ARHGAP26: variants seen among roughly 807,000 people sequenced by gnomAD.
ARHGAP26 encodes the protein rho GTPase-activating protein 26.
A neutral mutation model predicts 104.8 loss-of-function variants in ARHGAP26; 38 were observed. That is an observed-to-expected ratio of 0.36 (90% confidence interval 0.28 to 0.48). The LOEUF is 0.48. ARHGAP26 is among the 20% of genes least tolerant of loss of function. ARHGAP26 has a pLI of 0.99. For synonymous variants in ARHGAP26, 341 were observed against 340.0 expected, an observed-to-expected ratio of 1.00 and a Z score of -0.03; for missense variants, 704 against 947.9, an observed-to-expected ratio of 0.74 and a Z score of 3.38.
At chr5:143,149,851 T>C (rs1375348160) in intron 20 of ARHGAP26, among the ~76,000 whole-genome samples, 1 of 152,230 alleles carries the variant, frequency 6.6e-6, no homozygotes, top group Non-Finnish European at 1.5e-5. Flanking sequence ...ACCAGGAAGC[T>C]ATCTGTTCTT....
chr5:143,003,510 T>G lies in ARHGAP26; in HGVS notation c.1108-10570T>G, dbSNP rs577450348. 2.0e-5 allele frequency among the ~76,000 whole-genome samples: 3 copies of G among 152,304 alleles called. No homozygotes were observed. The South Asian group carries it at 6.2e-4, about 32-fold the overall frequency. ...ACATTTAGATGCCGCATAGATCACT[T>G]CCCCTAAACCCTGCCCCATAGAAAT... On this transcript the variant is annotated intron_variant, in intron 11 of 22. Transcript: ENST00000645722.
At chr5:142,779,366 C>G (rs1013184640) in intron 1 of ARHGAP26, among the ~76,000 whole-genome samples, 3 of 152,094 alleles carry the variant, frequency 2.0e-5, no homozygotes, top group African/African-American at 7.2e-5. Flanking sequence ...CCTGGGTAAG[C>G]TGGAGACTGG....
chr5:143,164,347 G>A (rs1179827284), intron 20 of ARHGAP26, among the ~76,000 whole-genome samples: 1 of 152,030 alleles, frequency 6.6e-6, no homozygotes, highest in African/African-American at 2.4e-5. Flanking sequence ...CTCTGTATAG[G>A]TATGAGGGCT....
At chr5:143,096,982 C>T (rs764586145) in intron 17 of ARHGAP26, among the ~76,000 whole-genome samples, 2 of 152,240 alleles carry the variant, frequency 1.3e-5, no homozygotes, top group East Asian at 1.9e-4. Flanking sequence ...CGGTGGCTCA[C>T]GCCTGTAATC....
At chr5:143,032,085 G>A (rs561743208) in intron 12 of ARHGAP26, among the ~76,000 whole-genome samples, 44 of 152,276 alleles carry the variant, frequency 2.9e-4, no homozygotes, top group African/African-American at 1.0e-3. Context: ...AATCGACTTT[G>A]CTACCCTAGC....
chr5:143,144,055 A>G (rs1798876979), intron 19 of ARHGAP26, among the ~76,000 whole-genome samples: 1 of 152,192 alleles, frequency 6.6e-6, no homozygotes, highest in Admixed American at 6.5e-5. Context: ...AGTTGTGGGC[A>G]TTCTTTCCTT....
At chr5:142,920,154 G>A (rs1005111361) in intron 10 of ARHGAP26, among the ~76,000 whole-genome samples, 1 of 152,270 alleles carries the variant, frequency 6.6e-6, no homozygotes, top group Non-Finnish European at 1.5e-5. Flanking sequence ...TACAAAATGT[G>A]TCAACTCTTT....
chr5:142,969,895 C>G (rs1771980807), intron 11 of ARHGAP26, among the ~76,000 whole-genome samples: 1 of 152,178 alleles, frequency 6.6e-6, no homozygotes, highest in Non-Finnish European at 1.5e-5. Context: ...TTTGGTGACA[C>G]TGCTCTGGAA....
chr5:143,193,788 ATTGTT>A (rs1806336886), intron 20 of ARHGAP26: 1 of 152,218 alleles, frequency 6.6e-6, no homozygotes, highest in Admixed American at 6.5e-5. Context: ...TATTGTTATA[ATTGTT>A]TTATCATTGT....
intron 1 of ARHGAP26, among the ~76,000 whole-genome samples, chr5:142,786,318 T>G (rs946727128): frequency 2.6e-5 from 4 of 151,746 alleles, no homozygotes; most frequent in Non-Finnish European, 5.9e-5. Flanking sequence ...TCTTTAAGAG[T>G]TGGGGTCTTC....
At chr5:143,167,518 A>AAAG (rs1802165034) in intron 20 of ARHGAP26, among the ~76,000 whole-genome samples, 28 of 123,768 alleles carry the variant, frequency 2.3e-4, no homozygotes, top group African/African-American at 8.8e-4. Context: ...AAAAAAAAAA[A>AAAG]GAAATCCATT....
At chr5:143,006,088 G>A (rs1424995690) in intron 11 of ARHGAP26, among the ~76,000 whole-genome samples, 1 of 152,150 alleles carries the variant, frequency 6.6e-6, no homozygotes, top group Admixed American at 6.5e-5. Context: ...GCTATGTGAG[G>A]GATTTTGATA....
At chr5:143,004,345 AG>A (rs1300046845) in intron 11 of ARHGAP26, among the ~76,000 whole-genome samples, 3 of 152,196 alleles carry the variant, frequency 2.0e-5, no homozygotes, top group Non-Finnish European at 4.4e-5. Flanking sequence ...AAGTTTCCAA[AG>A]CCACAGCATG....
chr5:143,085,683 C>T (rs1051097782), intron 17 of ARHGAP26, among the ~76,000 whole-genome samples: 2 of 152,162 alleles, frequency 1.3e-5, no homozygotes, highest in African/African-American at 2.4e-5. Context: ...AGATGCAGAG[C>T]GCTCCACAGC....
chr5:143,116,194 G>A (rs1795419022), intron 17 of ARHGAP26, among the ~76,000 whole-genome samples: 1 of 152,172 alleles, frequency 6.6e-6, no homozygotes, highest in Admixed American at 6.5e-5. Flanking sequence ...TATTATATAG[G>A]TCAGATAAAT....
At chr5:142,852,218 C>T (rs1212249480) in intron 1 of ARHGAP26, among the ~76,000 whole-genome samples, 3 of 152,166 alleles carry the variant, frequency 2.0e-5, no homozygotes, top group Admixed American at 2.0e-4. Flanking sequence ...GGCCTCTGAG[C>T]GGTCAGAGGT....
chr5:142,910,623 C>T (rs1340445157), intron 9 of ARHGAP26, among the ~76,000 whole-genome samples: 1 of 152,138 alleles, frequency 6.6e-6, no homozygotes, highest in Non-Finnish European at 1.5e-5. Context: ...CCTGTAATCC[C>T]AGCTATTTGG....
intron 11 of ARHGAP26, among the ~76,000 whole-genome samples, chr5:142,991,756 T>A (rs949530888): frequency 1.3e-5 from 2 of 152,262 alleles, no homozygotes; most frequent in Non-Finnish European, 2.9e-5. Context: ...CCATATAGCC[T>A]AGTTGTGTAG....
intron 12 of ARHGAP26, among the ~76,000 whole-genome samples, chr5:143,016,100 A>C (rs997202913): frequency 2.6e-5 from 4 of 152,246 alleles, no homozygotes; most frequent in African/African-American, 9.6e-5. Context: ...GGAGTAATAC[A>C]CAGCCTTTAG....
Sources: gnomAD v4.1 joint callset for allele counts (sites outside exome capture counted in the v4.1 genomes callset) on GRCh38, gnomAD v4.1.1 for gene constraint, MANE v1.5 for transcripts, NCBI Gene and HGNC (gene_info 2026-07-23, HGNC 2026-07-21) for gene names.